The following HMCN2 variants were observed in gnomAD, a reference collection of about 807,000 sequenced individuals.
HMCN2 encodes the protein hemicentin-2.
A neutral mutation model predicts 377.5 loss-of-function variants in HMCN2; 325 were observed. The ratio of observed to expected loss-of-function variants is 0.86; its 90% CI spans 0.79 to 0.94. The LOEUF (loss-of-function observed/expected upper bound fraction) is 0.94, where lower values mean the gene tolerates loss of function less well. Ranked by LOEUF, HMCN2 falls within the 40% of genes least tolerant of loss-of-function variation. The pLI, the probability that HMCN2 is intolerant of heterozygous loss-of-function variation, is 0.00. For missense variants in HMCN2, 4,543 were observed against 4,725.3 expected (o/e 0.96, Z 1.13); for synonymous variants, 2,007 against 2,046.8 (o/e 0.98, Z 0.53).
chr9:130,352,889 C>A (rs756359776), intron 30 of HMCN2, 38 bp from the exon 31 acceptor site: 1 of 1,227,546 alleles, frequency 8.1e-7, no homozygotes, highest in Non-Finnish European at 1.1e-6. Flanking sequence ...GAGGCCTCAG[C>A]GGCTGCCTGT....
intron 22 of HMCN2, among the ~76,000 whole-genome samples, chr9:130,334,951 C>A (rs1838664571): frequency 6.6e-6 from 1 of 151,950 alleles, no homozygotes; most frequent in East Asian, 1.9e-4. Context: ...ATCCTCCCAA[C>A]TCAGCCTCTC....
chr9:130,416,101 T>TTTA (rs1843676162), intron 85 of HMCN2, among the ~76,000 whole-genome samples: 1 of 18,852 alleles, frequency 5.3e-5, no homozygotes, highest in Non-Finnish European at 8.6e-5. Context: ...AGAGGCTTTA[T>TTTA]TTTTTTTTTT....
At chr9:130,266,405 A>C (rs1554919045) in intron 1 of HMCN2, among the ~76,000 whole-genome samples, 2 of 152,206 alleles carry the variant, frequency 1.3e-5, no homozygotes, top group Admixed American at 1.3e-4. Context: ...GACTTCAGCA[A>C]GTGACCTCAC....
At chr9:130,318,179 G>A (rs1459449526) in intron 15 of HMCN2, among the ~76,000 whole-genome samples, 3 of 152,198 alleles carry the variant, frequency 2.0e-5, no homozygotes, top group Non-Finnish European at 2.9e-5. Flanking sequence ...CTTCCTACTC[G>A]CAGTAATTTT....
At chr9:130,339,965 C>G (rs878953443) in intron 23 of HMCN2, among the ~76,000 whole-genome samples, 21,725 of 152,248 alleles carry the variant, frequency 0.14, 1,657 homozygotes, top group Admixed American at 0.21. Flanking sequence ...TGTGCCCACC[C>G]AGTTTGGCCC....
intron 85 of HMCN2, among the ~76,000 whole-genome samples, chr9:130,417,266 A>C (rs2872334): frequency 0.33 from 49,582 of 151,804 alleles, 9,217 homozygotes; most frequent in Middle Eastern, 0.48. Context: ...TCATGACTAT[A>C]ATCCTAGCAC....
Position 130,320,872 on chromosome 9 carries a change from C to G in HMCN2, c.2744C>G (p.Pro915Arg), listed in dbSNP as rs969911951. 1.3e-5 allele frequency: 2 copies of G among 152,222 alleles called. No individual in the cohort carries two copies. Among genetic ancestry groups the G allele is most frequent in the Admixed American group, 6.5e-5 (1 of 15,272 alleles). The allele number at this position is 152,222 out of a possible 1,614,324, so 9.4% of individuals were successfully genotyped here. A position where few individuals can be genotyped will look rare whatever the true frequency, so the allele number is the denominator to read the frequency against. ...PCIVLAGRPL[P>R]ERHWLKDGRP... ...ATCGTCCTAGCTGGGCGGCCCCTCC[C>G]GGAAAGGCACTGGCTCAAGGACGGC... is the stretch of plus-strand genomic sequence containing the variant. The change falls in exon 18 of 98, where the codon CCG (proline) becomes CGG (arginine). Residue 915 changes from proline (P) to arginine (R), a missense_variant. This residue lies in a region of HMCN2 where 547 missense variants were observed against 189.9 expected (regional missense o/e 2.88). Coordinates refer to ENST00000683500, the MANE Select transcript of HMCN2 (RefSeq NM_001291815.2).
intron 75 of HMCN2, among the ~76,000 whole-genome samples, chr9:130,399,192 G>A (rs1004669694): frequency 6.7e-6 from 1 of 149,424 alleles, no homozygotes; most frequent in Non-Finnish European, 1.5e-5. Flanking sequence ...GGTTGAGGCT[G>A]CAGTGAGCTG....
chr9:130,401,322 A>G (rs1842846628), intron 77 of HMCN2, among the ~76,000 whole-genome samples: 1 of 152,168 alleles, frequency 6.6e-6, no homozygotes. Context: ...TTAAGATAAT[A>G]GTACATGGTG....
chr9:130,373,943 G>C (rs191795399), intron 48 of HMCN2, among the ~76,000 whole-genome samples: 4 of 151,770 alleles, frequency 2.6e-5, no homozygotes, highest in Admixed American at 2.6e-4. Flanking sequence ...TAAAAGGATA[G>C]GTGGGTAGGT....
chr9:130,427,530 G>A lies in HMCN2; in HGVS notation c.13976G>A (p.Cys4659Tyr). Reference protein sequence around the residue: ...RDECSGGPSPCSHACLNAPGR... With the variant: ...RDECSGGPSPYSHACLNAPGR... ...GAGTGCTCAGGAGGCCCTAGCCCCT[G>A]CTCCCATGCCTGCCTTAATGCACCC... The change falls in exon 92 of 98, where the codon TGC becomes TAC. Residue 4659 changes from cysteine to tyrosine, a missense_variant. By Grantham distance (194) the Cys-to-Tyr change is radical. Around this residue, in one of 5 missense-constraint regions of HMCN2, gnomAD observed 1,155 missense variants for 1,157.7 expected, o/e 1.00. Coordinates refer to ENST00000683500, the MANE Select transcript of HMCN2 (RefSeq NM_001291815.2). 1.9e-6 allele frequency: 3 copies of A among 1,550,494 alleles called. No individual in the cohort carries two copies. Among genetic ancestry groups the A allele is most frequent in the Non-Finnish European group, 2.6e-6 (3 of 1,146,976 alleles).
chr9:130,418,570 C>T (rs1012000602), intron 85 of HMCN2, among the ~76,000 whole-genome samples: 7 of 152,044 alleles, frequency 4.6e-5, no homozygotes, highest in Admixed American at 1.3e-4. Context: ...AAAGCAGATA[C>T]GGCCATATGA....
At chr9:130,366,943 G>A (rs1035635300) in intron 43 of HMCN2, among the ~76,000 whole-genome samples, 3 of 152,170 alleles carry the variant, frequency 2.0e-5, no homozygotes, top group Admixed American at 1.3e-4. Flanking sequence ...CGGGAAAGAT[G>A]TTCTGGGGGG....
At position 130,361,130 on chromosome 9, in the gene HMCN2, T is replaced by G. The variant is rs1840365518; in HGVS notation, c.5950+526T>G. Among the ~76,000 whole-genome samples the G allele has an allele frequency of 6.6e-6, 1 of 152,220 alleles. No homozygotes were observed. The highest frequency in any genetic ancestry group is 6.5e-5 in the Admixed American group (1 of 15,278). On this transcript the variant is annotated intron_variant, in intron 38 of 97. Transcript: ENST00000683500. This position sits in a 1 kb window ranked among gnomAD's most constrained non-coding sequence, Gnocchi z 4.8. Reference sequence around the variant, plus strand: ...CCAACCACACTTATTGAGTCCATGCTCTGGGGCGGAGACTGGACCTAGAGC... The same window carrying G: ...CCAACCACACTTATTGAGTCCATGCGCTGGGGCGGAGACTGGACCTAGAGC...
rs2131641691 is a variant in HMCN2, at chr9:130,383,593, G to T, written c.8823G>T (p.Arg2941Ser). 1.0e-6 allele frequency: 1 copy of T among 985,930 alleles called. No individual in the cohort carries two copies. The highest frequency in any genetic ancestry group is 5.2e-4 in the Middle Eastern group (1 of 1,916). 61.1% of individuals were successfully genotyped at this position (985,930 alleles called of 1,614,324 possible). ...CCGCTGAGAAGCTCTTCACCCTCAG[G>T]GTTCAAGGTGAGCTGGGCTGAGCAG... ...AGSAEKLFTL[R>S]VQVPPRIAGL... Residue 2941 changes from arginine to serine, a missense_variant, in exon 57 of 98, where the codon AGG (arginine) becomes AGT (serine). Physicochemically the swap from Arg to Ser is moderately radical, Grantham distance 110. This residue lies in a region of HMCN2 where 736 missense variants were observed against 773.2 expected (regional missense o/e 0.95). Transcript: ENST00000683500.
At chr9:130,382,923 T>C (rs1841808627) in intron 56 of HMCN2, 57 bp downstream of exon 56, 3 of 935,524 alleles carry the variant, frequency 3.2e-6, no homozygotes, top group Non-Finnish European at 3.8e-6. Context: ...CCAGCACCAC[T>C]TGTCTGGGAG....
intron 1 of HMCN2, among the ~76,000 whole-genome samples, chr9:130,268,801 G>T (rs1226345048): frequency 6.7e-6 from 1 of 148,648 alleles, no homozygotes; most frequent in East Asian, 1.9e-4. Context: ...GGGTGTGCAC[G>T]GGAGGAGTGG....
chr9:130,431,427 G>A lies in HMCN2; in HGVS notation c.14708G>A (p.Ser4903Asn), dbSNP rs747147022. The A allele has an allele frequency of 3.9e-6, 6 of 1,550,130 alleles. No individual in the cohort carries two copies. Among genetic ancestry groups the A allele is most frequent in the South Asian group, 3.6e-5 (3 of 84,066 alleles). The change falls in exon 96 of 98, where the codon AGC becomes AAC. Residue 4903 changes from serine to asparagine, a missense_variant. Coordinates refer to ENST00000683500, the MANE Select transcript of HMCN2 (RefSeq NM_001291815.2). ...CQHACRNTEG[S>N]YQCLCPAGYR... The stretch of plus-strand genomic sequence containing the variant: ...CACGCCTGCCGCAACACTGAGGGCA[G>A]CTACCAGTGCCTGTGCCCCGCCGGC...
At chr9:130,350,220 A>G (rs186552032) in intron 29 of HMCN2, among the ~76,000 whole-genome samples, 90 of 150,638 alleles carry the variant, frequency 6.0e-4, no homozygotes, top group Admixed American at 5.9e-3. Context: ...TCTTTTTTTA[A>G]ACTCACTTTT....
Sources: gnomAD v4.1 joint callset for allele counts (sites outside exome capture counted in the v4.1 genomes callset) on GRCh38, gnomAD v4.1.1 for gene constraint, gnomAD v4.1.1 regional missense constraint, Gnocchi (gnomAD v3.1) non-coding constraint, MANE v1.5 for transcripts, NCBI Gene and HGNC (gene_info 2026-07-23, HGNC 2026-07-21) for gene names.